The following COL24A1 variants were observed in gnomAD, a reference collection of about 807,000 sequenced individuals.
The protein encoded by COL24A1 is collagen alpha-1(XXIV) chain.
In COL24A1, 224 loss-of-function variants were observed where a neutral mutation model predicts 253.9. The ratio of observed to expected loss-of-function variants is 0.88; its 90% CI spans 0.79 to 0.99. COL24A1 has a LOEUF of 0.99. Among genes scored for constraint, COL24A1 ranks in the 50% least tolerant of loss-of-function variants. The pLI, the probability that COL24A1 is intolerant of heterozygous loss-of-function variation, is 0.00. For missense variants in COL24A1, 2,131 were observed against 2,068.5 expected (o/e 1.03, Z -0.59); for synonymous variants, 685 against 673.7 (o/e 1.02, Z -0.26).
chr1:85,896,122 T>G, intron 29 of COL24A1, 57 bp from the exon 30 acceptor site: 1 of 1,467,476 alleles, frequency 6.8e-7, no homozygotes, highest in Non-Finnish European at 9.4e-7. Flanking sequence ...GGTCTTACTA[T>G]GCTAGCATAT....
intron 43 of COL24A1, among the ~76,000 whole-genome samples, chr1:85,827,545 C>T (rs910745201): frequency 6.6e-6 from 1 of 151,934 alleles, no homozygotes; most frequent in African/African-American, 2.4e-5. Context: ...GGCTGTGAAT[C>T]CATCTGGTCC....
chr1:85,865,176 AT>A (rs929473201), intron 37 of COL24A1, among the ~76,000 whole-genome samples: 5 of 151,470 alleles, frequency 3.3e-5, no homozygotes, highest in Non-Finnish European at 7.4e-5. Context: ...AAAAAGTTTT[AT>A]TTCTTTCTCT....
intron 35 of COL24A1, among the ~76,000 whole-genome samples, chr1:85,873,295 C>T (rs1680748409): frequency 6.6e-6 from 1 of 151,858 alleles, no homozygotes; most frequent in Non-Finnish European, 1.5e-5. Context: ...CCTCAAGGAT[C>T]TAGAATTAGA....
intron 47 of COL24A1, among the ~76,000 whole-genome samples, chr1:85,797,849 G>A (rs1404827993): frequency 6.6e-6 from 1 of 152,200 alleles, no homozygotes; most frequent in East Asian, 1.9e-4. Flanking sequence ...TAGAATATAT[G>A]TCTGGAAATG....
At chr1:86,136,987 G>C (rs1365763677) in intron 2 of COL24A1, among the ~76,000 whole-genome samples, 1 of 49,392 alleles carries the variant, frequency 2.0e-5, no homozygotes, top group African/African-American at 8.0e-5. Flanking sequence ...GAGGAGAACT[G>C]CAGACAAAAA....
chr1:86,136,055 G>A (rs1650198309), intron 2 of COL24A1, among the ~76,000 whole-genome samples: 1 of 151,982 alleles, frequency 6.6e-6, no homozygotes, highest in Admixed American at 6.6e-5. Context: ...ACCAAATCTA[G>A]TCCAGGAGGA....
intron 43 of COL24A1, among the ~76,000 whole-genome samples, chr1:85,825,522 T>C: frequency 6.6e-6 from 1 of 152,164 alleles, no homozygotes; most frequent in Non-Finnish European, 1.5e-5. Flanking sequence ...ATGGTTGAAC[T>C]AGTTTACAGT....
intron 24 of COL24A1, among the ~76,000 whole-genome samples, chr1:85,915,964 G>A (rs529317412): frequency 6.6e-6 from 1 of 152,316 alleles, no homozygotes; most frequent in Admixed American, 6.5e-5. Flanking sequence ...AGTGAATGCA[G>A]TAGGCTCGTT....
intron 19 of COL24A1, among the ~76,000 whole-genome samples, chr1:86,016,009 A>G (rs1379463536): frequency 1.3e-5 from 2 of 150,448 alleles, no homozygotes; most frequent in African/African-American, 4.9e-5. Context: ...TACAGGTGTG[A>G]GCCACCATGC....
At chr1:85,944,232 A>G (rs1251872080) in intron 24 of COL24A1, among the ~76,000 whole-genome samples, 1 of 152,250 alleles carries the variant, frequency 6.6e-6, no homozygotes, top group East Asian at 1.9e-4. Flanking sequence ...GACAATTACC[A>G]ACCATAGGTG....
At chr1:85,982,724 G>A (rs1344584592) in intron 20 of COL24A1, among the ~76,000 whole-genome samples, 1 of 151,806 alleles carries the variant, frequency 6.6e-6, no homozygotes, top group Non-Finnish European at 1.5e-5. Context: ...ACTTATGAAG[G>A]GCTCATGTTT....
chr1:85,876,668 C>G (rs1254202077), intron 33 of COL24A1, among the ~76,000 whole-genome samples: 2 of 152,092 alleles, frequency 1.3e-5, no homozygotes. Flanking sequence ...CAGGAGAGAG[C>G]AGTTTCACAG....
At chr1:86,076,458 A>T (rs892773543) in intron 7 of COL24A1, among the ~76,000 whole-genome samples, 2 of 152,196 alleles carry the variant, frequency 1.3e-5, no homozygotes, top group Non-Finnish European at 2.9e-5. Flanking sequence ...GAAAATGGCC[A>T]TACTGTCCCA....
chr1:85,978,662 C>T (rs1057405765), intron 20 of COL24A1, among the ~76,000 whole-genome samples: 2 of 152,062 alleles, frequency 1.3e-5, no homozygotes, highest in African/African-American at 4.8e-5. Context: ...TATATATGCA[C>T]CTAACACTGG....
Position 85,823,571 on chromosome 1 carries a change from C to T in COL24A1, c.3754G>A (p.Gly1252Ser). The T allele has an allele frequency of 6.2e-7, 1 of 1,613,858 alleles. No homozygotes were observed. The highest frequency in any genetic ancestry group is 2.2e-5 in the East Asian group (1 of 44,858). The stretch of plus-strand genomic sequence containing the variant: ...CTCTCTCCTTTTAGTCCTTGTTCAC[C>T]CTGGTCACCTGGTTCGCCCTTTAGT... The part of the protein sequence containing the change: ...QGPPGEPGDQ[G>S]EQGLKGERGS... The change falls in exon 45 of 60, where the codon GGT (glycine) becomes AGT (serine). Residue 1252 changes from glycine to serine, a missense_variant. Transcript: ENST00000370571.
intron 24 of COL24A1, among the ~76,000 whole-genome samples, chr1:85,957,822 C>T (rs1045493548): frequency 6.6e-6 from 1 of 152,186 alleles, no homozygotes; most frequent in East Asian, 1.9e-4. Flanking sequence ...GCTTACTTAG[C>T]ATACCTTTAG....
At chr1:85,925,698 TA>T (rs1291423202) in intron 24 of COL24A1, among the ~76,000 whole-genome samples, 2 of 152,140 alleles carry the variant, frequency 1.3e-5, no homozygotes, top group African/African-American at 4.8e-5. Flanking sequence ...ACCTAAATGT[TA>T]GACTTAAAAC....
At chr1:85,735,418 T>C (rs1016079198) in intron 58 of COL24A1, among the ~76,000 whole-genome samples, 3 of 152,192 alleles carry the variant, frequency 2.0e-5, no homozygotes, top group African/African-American at 7.2e-5. Flanking sequence ...AATAAAAATC[T>C]GAGATTCTGT....
At chr1:85,961,552 T>C (rs1370901923) in intron 23 of COL24A1, among the ~76,000 whole-genome samples, 1 of 152,174 alleles carries the variant, frequency 6.6e-6, no homozygotes, top group Admixed American at 6.6e-5. Flanking sequence ...TTATAGTATT[T>C]CTATGAAATG....
Sources: allele counts gnomAD v4.1 joint callset (sites outside exome capture counted in the v4.1 genomes callset), GRCh38; gene constraint gnomAD v4.1.1; transcripts MANE v1.5; gene names NCBI Gene and HGNC (gene_info 2026-07-23, HGNC 2026-07-21).